The following TMEM245 variants were observed in gnomAD, a reference collection of about 807,000 sequenced individuals.
TMEM245 encodes protein CG-2.
A neutral mutation model predicts 101.2 loss-of-function variants in TMEM245; 69 were observed. That is an observed-to-expected ratio of 0.68 (90% confidence interval 0.56 to 0.83). The LOEUF (loss-of-function observed/expected upper bound fraction) is 0.83, where lower values mean the gene tolerates loss of function less well. TMEM245 is among the 40% of genes least tolerant of loss of function. The probability of loss-of-function intolerance (pLI) is 0.00; values close to 1 mark genes in which losing one functional copy is unlikely to be tolerated. For synonymous variants in TMEM245, 537 were observed against 449.8 expected, an observed-to-expected ratio of 1.19 and a Z score of -2.45; for missense variants, 1,075 against 1,092.8, an observed-to-expected ratio of 0.98 and a Z score of 0.23.
intron 1 of TMEM245, among the ~76,000 whole-genome samples, chr9:109,112,116 T>C (rs1830582004): frequency 6.6e-6 from 1 of 152,178 alleles, no homozygotes; most frequent in African/African-American, 2.4e-5. Context: ...GATTATACAA[T>C]TACCAATGGT....
Position 109,119,939 on chromosome 9 carries a change from A to G in TMEM245, c.-26T>C, listed in dbSNP as rs1335738474. On this transcript the variant is annotated 5_prime_UTR_variant, in exon 1 of 18. Transcript: ENST00000374586. The stretch of plus-strand genomic sequence containing the variant: ...CGTTCCTCCGCCACAGCCGCCCCCG[A>G]GGGGCGGTAATGGGAGTCGGGCTAG... The G allele has an allele frequency of 1.5e-6, 2 of 1,290,846 alleles. No homozygotes were observed. The highest frequency in any genetic ancestry group is 9.8e-7 in the Non-Finnish European group (1 of 1,023,038). 80.0% of individuals were successfully genotyped at this position (1,290,846 alleles called of 1,614,324 possible).
At chr9:109,110,945 G>C (rs543712824) in intron 1 of TMEM245, among the ~76,000 whole-genome samples, 2 of 152,194 alleles carry the variant, frequency 1.3e-5, no homozygotes, top group South Asian at 4.1e-4. Flanking sequence ...ATTTCTAAAA[G>C]TACAATACTC....
rs144077264 is a variant in TMEM245 at position 109,082,568 on chromosome 9, C to A, written c.1345-1625G>T. Among the ~76,000 whole-genome samples the A allele has an allele frequency of 7.1e-3, 1,073 of 151,944 alleles. 13 individuals carry two copies. The highest frequency in any genetic ancestry group is 0.025 in the African/African-American group (1,020 of 41,464). ...TTCAATTACTATGTGTTTGAATAAG[C>A]AAGCATAAATAAAATAATTTCAGAA... On this transcript the variant is annotated intron_variant, in intron 7 of 17. Coordinates refer to ENST00000374586, the MANE Select transcript of TMEM245 (RefSeq NM_032012.4).
chr9:109,046,417 C>A, intron 14 of TMEM245: 1 of 376,534 alleles, frequency 2.7e-6, no homozygotes. Context: ...GCCACTGACT[C>A]AAAACTTCAT....
chr9:109,021,477 T>C (rs1002072377), intron 17 of TMEM245, among the ~76,000 whole-genome samples: 1 of 149,270 alleles, frequency 6.7e-6, no homozygotes, highest in African/African-American at 2.5e-5. Flanking sequence ...AGAAAAATAT[T>C]TGACTTTACA....
intron 6 of TMEM245, among the ~76,000 whole-genome samples, chr9:109,086,282 C>A (rs1299216675): frequency 2.0e-5 from 3 of 152,180 alleles, no homozygotes. Flanking sequence ...CATAAAATAA[C>A]CTGCATGCTC....
intron 4 of TMEM245, 130 bp from the exon 5 acceptor site, chr9:109,091,285 T>TA: frequency 2.8e-6 from 2 of 724,598 alleles, no homozygotes; most frequent in Non-Finnish European, 2.2e-6. Context: ...TACATCGGGT[T>TA]AAAAAAGACA....
chr9:109,033,623 T>G, intron 16 of TMEM245, 122 bp from the exon 17 acceptor site: 5 of 874,014 alleles, frequency 5.7e-6, no homozygotes, highest in Non-Finnish European at 8.2e-6. Flanking sequence ...TTTCTTTAGA[T>G]CACCTCGATG....
chr9:109,082,759 C>T (rs1829704049), intron 7 of TMEM245, among the ~76,000 whole-genome samples: 1 of 150,520 alleles, frequency 6.6e-6, no homozygotes, highest in Non-Finnish European at 1.5e-5. Flanking sequence ...ATAGAATATT[C>T]AAAAACATAT....
chr9:109,092,070 T>C (rs1485470964), intron 4 of TMEM245, among the ~76,000 whole-genome samples: 4 of 152,286 alleles, frequency 2.6e-5, no homozygotes, highest in Admixed American at 6.5e-5. Flanking sequence ...CCTCACATTT[T>C]CCCCCTGGTC....
chr9:109,020,963 A>T (rs548867549), intron 17 of TMEM245, among the ~76,000 whole-genome samples: 5 of 152,230 alleles, frequency 3.3e-5, no homozygotes, highest in Non-Finnish European at 7.3e-5. Flanking sequence ...TCCAACAGAG[A>T]GTCCAAGCTC....
At chr9:109,079,142 C>T (rs1829598799) in intron 8 of TMEM245, among the ~76,000 whole-genome samples, 3 of 152,092 alleles carry the variant, frequency 2.0e-5, no homozygotes, top group African/African-American at 2.4e-5. Flanking sequence ...TTTTCATCAA[C>T]GAAAGATCTC....
chr9:109,119,315 G>T lies in TMEM245; in HGVS notation c.579+20C>A. ...CCGGGACCACGGGCGGGGGACGGGGGCGGACTGCCGCTCACTCACCCACAG... is the reference window on the plus strand; with the variant it reads ...CCGGGACCACGGGCGGGGGACGGGGTCGGACTGCCGCTCACTCACCCACAG... On this transcript the variant is annotated intron_variant, in intron 1 of 17. Transcript: ENST00000374586. 1 of 1,519,026 alleles carries T rather than the reference G, an allele frequency of 6.6e-7. No homozygotes were observed. 94.1% of individuals were successfully genotyped at this position (1,519,026 alleles called of 1,614,324 possible).
chr9:109,044,417 T>C (rs921318955), intron 14 of TMEM245, among the ~76,000 whole-genome samples: 12 of 152,102 alleles, frequency 7.9e-5, no homozygotes, highest in African/African-American at 2.7e-4. Flanking sequence ...AGAAGATAAA[T>C]AATGAAGAAA....
chr9:109,070,130 A>G (rs12003037), intron 9 of TMEM245, among the ~76,000 whole-genome samples: 20,295 of 152,106 alleles, frequency 0.13, 1,595 homozygotes, highest in African/African-American at 0.19. Context: ...TCCTCTCTGT[A>G]CCTTACATAC....
At chr9:109,119,233 T>G in intron 1 of TMEM245, 102 bp downstream of exon 1, 1 of 1,106,796 alleles carries the variant, frequency 9.0e-7, no homozygotes, top group South Asian at 1.6e-5. Context: ...AGCACAGGTG[T>G]GGCCCCTCGT....
In TMEM245 at chr9:109,050,437, C is replaced by T; in HGVS notation, c.1978-9G>A. 1 of 1,613,662 alleles carries T rather than the reference C, an allele frequency of 6.2e-7. No individual in the cohort carries two copies. Among genetic ancestry groups the T allele is most frequent in the Non-Finnish European group, 8.5e-7 (1 of 1,179,784 alleles). On this transcript the variant is annotated splice_polypyrimidine_tract_variant and intron_variant, in intron 13 of 17. Transcript: ENST00000374586. The stretch of plus-strand genomic sequence containing the variant: ...GTGGTCAGGAAAATTATCTGCAAAA[C>T]AAAGGACAACATCTCCTAAAAAAAT...
chr9:109,101,954 C>G (rs1206743902), intron 3 of TMEM245, among the ~76,000 whole-genome samples: 4 of 152,150 alleles, frequency 2.6e-5, no homozygotes, highest in African/African-American at 9.7e-5. Flanking sequence ...TTTAGACTTG[C>G]ATTACTTATA....
chr9:109,074,049 A>C (rs1317075699), intron 8 of TMEM245, among the ~76,000 whole-genome samples: 1 of 151,888 alleles, frequency 6.6e-6, no homozygotes, highest in African/African-American at 2.4e-5. Context: ...TAGTAGAAAA[A>C]AGGTTTTGCC....
Sources: allele counts gnomAD v4.1 joint callset (sites outside exome capture counted in the v4.1 genomes callset), GRCh38; gene constraint gnomAD v4.1.1; transcripts MANE v1.5; gene names NCBI Gene and HGNC (gene_info 2026-07-23, HGNC 2026-07-21).